The following NFIC variants were observed in gnomAD, a reference collection of about 807,000 sequenced individuals.
The protein encoded by NFIC is nuclear factor 1 C-type.
NFIC carries 12 observed loss-of-function variants against 54.4 expected under a neutral mutation model. The observed-to-expected ratio is 0.22, with a 90% CI of 0.14 to 0.36. NFIC has a LOEUF of 0.36. NFIC is among the 10% of genes least tolerant of loss of function. The pLI, the probability that NFIC is intolerant of heterozygous loss-of-function variation, is 1.00. For missense variants in NFIC, 575 were observed against 718.2 expected (o/e 0.80, Z 2.28); for synonymous variants, 322 against 319.2 (o/e 1.01, Z -0.09).
At position 3,435,206 on chromosome 19, in the gene NFIC, A is replaced by C. The variant is rs2082180508; in HGVS notation, c.957A>C (p.Gly319=). 2 of 1,585,808 alleles carry C rather than the reference A, an allele frequency of 1.3e-6. No homozygotes were observed. Among genetic ancestry groups the C allele is most frequent in the Non-Finnish European group, 1.7e-6 (2 of 1,161,816 alleles). Residue 319 remains glycine (G), a splice_region_variant and synonymous_variant, in exon 6 of 11, where the codon GGA becomes GGC. Transcript: ENST00000443272. ...SSRNWTEDME[G]GISSPVKKTE... Reference sequence around the variant, plus strand: ...GCAACTGGACGGAGGACATGGAAGGAGGTAGGGCTGGTGGCGGGGGCGGAG... The same window carrying C: ...GCAACTGGACGGAGGACATGGAAGGCGGTAGGGCTGGTGGCGGGGGCGGAG...
At chr19:3,429,203 G>A (rs1327707702) in intron 3 of NFIC, among the ~76,000 whole-genome samples, 2 of 108,902 alleles carry the variant, frequency 1.8e-5, no homozygotes, top group Non-Finnish European at 3.4e-5. Context: ...ACCAGCCTGG[G>A]TAATATAGCA....
intron 1 of NFIC, among the ~76,000 whole-genome samples, chr19:3,371,995 C>T (rs1336113884): frequency 1.3e-5 from 1 of 75,792 alleles, no homozygotes; most frequent in Admixed American, 1.5e-4. Context: ...CTCCCTCTCT[C>T]TCCCTCTCTC....
intron 2 of NFIC, among the ~76,000 whole-genome samples, chr19:3,407,236 C>T (rs1036538259): frequency 1.8e-4 from 28 of 151,686 alleles, no homozygotes; most frequent in Non-Finnish European, 3.5e-4. Context: ...GCCTCAGCCT[C>T]CCGAGTAGCT....
intron 6 of NFIC, among the ~76,000 whole-genome samples, chr19:3,435,669 C>T (rs900133283): frequency 6.6e-6 from 1 of 151,848 alleles, no homozygotes; most frequent in African/African-American, 2.4e-5. Flanking sequence ...TTTTTTTAAC[C>T]AGGTTCCCAT....
intron 5 of NFIC, among the ~76,000 whole-genome samples, chr19:3,434,779 G>C (rs2082172123): frequency 6.6e-6 from 1 of 152,176 alleles, no homozygotes; most frequent in South Asian, 2.1e-4. Context: ...GCAGTTCTGA[G>C]GACTACAGGT....
In NFIC at chr19:3,467,134, ATCT is replaced by A. The variant is rs1351073725; in HGVS notation, c.*4369_*4371del. On this transcript the variant is annotated 3_prime_UTR_variant, in exon 11 of 11. Transcript: ENST00000443272. ...TTTTTTTAACATGTATGAAACTGAC[ATCT>A]TCTCAAATCTTGTTCCACCCCCCTC... 6.8e-6 allele frequency: 1 copy of A among 147,446 alleles called. No individual in the cohort carries two copies. The highest frequency in any genetic ancestry group is 2.6e-5 in the African/African-American group (1 of 38,268). The allele number at this position is 147,446 out of a possible 1,614,324, so 9.1% of individuals were successfully genotyped here. A position where few individuals can be genotyped will look rare whatever the true frequency, so the allele number is the denominator to read the frequency against.
At chr19:3,389,781 G>A (rs964175367) in intron 2 of NFIC, among the ~76,000 whole-genome samples, 2 of 152,090 alleles carry the variant, frequency 1.3e-5, no homozygotes, top group East Asian at 1.9e-4. Flanking sequence ...TCGGGAGTTC[G>A]AGACCAGCCT....
At chr19:3,368,254 G>A (rs969291373) in intron 1 of NFIC, among the ~76,000 whole-genome samples, 2 of 152,206 alleles carry the variant, frequency 1.3e-5, no homozygotes, top group Non-Finnish European at 2.9e-5. Context: ...AGGGGAGGCT[G>A]TTCCAGGCTG....
chr19:3,381,789 G>C lies in NFIC; in HGVS notation c.108G>C (p.Ala36=), dbSNP rs148748813. The C allele has an allele frequency of 1.2e-6, 2 of 1,613,960 alleles. No homozygotes were observed. Among genetic ancestry groups the C allele is most frequent in the Middle Eastern group, 1.6e-4 (1 of 6,062 alleles). The change falls in exon 2 of 11, where the codon GCG becomes GCC. Residue 36 remains alanine (A), a synonymous_variant. Coordinates refer to ENST00000443272, the MANE Select transcript of NFIC (RefSeq NM_001245002.2). ...AFAYTWFNLQ[A]RKRKYFKKHE... ...CCTACACCTGGTTCAACCTGCAGGC[G>C]CGGAAGCGCAAGTACTTCAAGAAGC...
In NFIC at chr19:3,370,637, TTC is replaced by T. The variant is rs200434256; in HGVS notation, c.30+3981_30+3982del. On this transcript the variant is annotated intron_variant, in intron 1 of 10. Transcript: ENST00000443272. The surrounding 1 kb of genome is among the most constrained non-coding windows in gnomAD (Gnocchi z 5.2). ...CCTTCTCTCCCTCTCTCCTTCTCTC[TTC>T]TCTCTCTCTTTCTCCCTCCCTACCT... Among the ~76,000 whole-genome samples the T allele has an allele frequency of 7.2e-4, 108 of 150,084 alleles. No homozygotes were observed. The highest frequency in any genetic ancestry group is 2.3e-3 in the African/African-American group (93 of 40,832).
rs1368760331 is a variant in NFIC at position 3,449,026 on chromosome 19, C to G, written c.971C>G (p.Pro324Arg). ...ATCCCCTCCACAGGCATCTCGTCCC[C>G]GGTGAAGAAGACAGAGATGGACAAG... Reference protein sequence around the residue: ...TEDMEGGISSPVKKTEMDKSP... With the variant: ...TEDMEGGISSRVKKTEMDKSP... Residue 324 changes from proline (P) to arginine (R), a missense_variant, in exon 7 of 11, where the codon CCG (proline) becomes CGG (arginine). By Grantham distance (103) the Pro-to-Arg change is moderately radical. Coordinates refer to ENST00000443272, the MANE Select transcript of NFIC (RefSeq NM_001245002.2). The G allele has an allele frequency of 2.5e-6, 4 of 1,612,706 alleles. No individual in the cohort carries two copies. The highest frequency in any genetic ancestry group is 3.4e-6 in the Non-Finnish European group (4 of 1,179,444).
chr19:3,408,568 A>G (rs1033846205), intron 2 of NFIC, among the ~76,000 whole-genome samples: 1 of 152,058 alleles, frequency 6.6e-6, no homozygotes, highest in African/African-American at 2.4e-5. Context: ...CAGCCTCCTG[A>G]GCATCTGGGA....
At chr19:3,433,203 G>A (rs924331790) in intron 3 of NFIC, among the ~76,000 whole-genome samples, 7 of 152,056 alleles carry the variant, frequency 4.6e-5, no homozygotes, top group Non-Finnish European at 8.8e-5. Flanking sequence ...GAGCTCAAGC[G>A]TTCCTCCTGC....
chr19:3,384,819 G>A (rs2081267223), intron 2 of NFIC, among the ~76,000 whole-genome samples: 2 of 152,120 alleles, frequency 1.3e-5, no homozygotes, highest in South Asian at 4.1e-4. Context: ...GGGCAGAGAG[G>A]TGGGCCGGGT....
intron 2 of NFIC, among the ~76,000 whole-genome samples, chr19:3,393,552 C>T (rs1046010459): frequency 5.3e-5 from 8 of 151,568 alleles, no homozygotes; most frequent in African/African-American, 1.9e-4. Flanking sequence ...TGGTGGCTCA[C>T]ACCTGTAATC....
intron 1 of NFIC, among the ~76,000 whole-genome samples, chr19:3,379,584 GATCC>G (rs2081164409): frequency 6.6e-6 from 1 of 151,190 alleles, no homozygotes; most frequent in Admixed American, 6.6e-5. Flanking sequence ...GACCTCAAGC[GATCC>G]ACCTGCCTCA....
chr19:3,379,377 C>T (rs913438532), intron 1 of NFIC, among the ~76,000 whole-genome samples: 4 of 143,230 alleles, frequency 2.8e-5, no homozygotes, highest in African/African-American at 5.2e-5. Flanking sequence ...TTTTTTGAGA[C>T]GGAGTCTCAC....
At chr19:3,430,792 C>T (rs186181773) in intron 3 of NFIC, among the ~76,000 whole-genome samples, 1 of 151,944 alleles carries the variant, frequency 6.6e-6, no homozygotes, top group African/African-American at 2.4e-5. Context: ...TTTAGACAGG[C>T]ACTGTGGCAG....
chr19:3,405,510 T>C (rs979382903), intron 2 of NFIC, among the ~76,000 whole-genome samples: 2 of 152,158 alleles, frequency 1.3e-5, no homozygotes, highest in African/African-American at 4.8e-5. Flanking sequence ...CTTCCCTCCT[T>C]AGAGCATCTT....
Sources: allele counts gnomAD v4.1 joint callset (sites outside exome capture counted in the v4.1 genomes callset), GRCh38; gene constraint gnomAD v4.1.1; non-coding constraint Gnocchi (gnomAD v3.1); transcripts MANE v1.5; gene names NCBI Gene and HGNC (gene_info 2026-07-23, HGNC 2026-07-21).